RNF213: variants seen among roughly 807,000 people sequenced by gnomAD.
RNF213 encodes the protein E3 ubiquitin-protein ligase RNF213.
RNF213 carries 341 observed loss-of-function variants against 514.4 expected under a neutral mutation model. The ratio of observed to expected loss-of-function variants is 0.66; its 90% CI spans 0.61 to 0.73. The LOEUF is 0.73. Ranked by LOEUF, RNF213 falls within the 30% of genes least tolerant of loss-of-function variation. The pLI, the probability that RNF213 is intolerant of heterozygous loss-of-function variation, is 0.00. For missense variants in RNF213, 5,767 were observed against 6,615.6 expected (o/e 0.87, Z 4.45); for synonymous variants, 2,655 against 2,658.2 (o/e 1.00, Z 0.04).
In RNF213 at chr17:80,365,700, G is replaced by A. The variant is rs183821612; in HGVS notation, c.11871+1147G>A. Among the ~76,000 whole-genome samples, 78 of 152,274 alleles carry A rather than the reference G, an allele frequency of 5.1e-4. 1 individual carries two copies. The highest frequency in any genetic ancestry group is 3.0e-3 in the Admixed American group (46 of 15,302). The stretch of plus-strand genomic sequence containing the variant: ...GAGTTCTTCTGCTGAAGGAAAAGGC[G>A]GAGAGAGGATAGTAGGACACAGCCG... On this transcript the variant is annotated intron_variant, in intron 42 of 67. Transcript: ENST00000582970.
At position 80,298,542 on chromosome 17, in the gene RNF213, C is replaced by T. The variant is rs376926295; in HGVS notation, c.2210+24C>T. 4.3e-6 allele frequency: 7 copies of T among 1,613,576 alleles called. No individual in the cohort carries two copies. In the African/African-American group the frequency reaches 8.0e-5, roughly 18 times the overall value. ...ACGTAAGTCGTAGAGTTGTGCTTAT[C>T]TACATGAATCTGGGAAGACTGACTC... On this transcript the variant is annotated intron_variant, in intron 11 of 67. Transcript: ENST00000582970.
At chr17:80,308,890 C>A in intron 13 of RNF213, 128 bp from the exon 14 acceptor site, 1 of 1,137,410 alleles carries the variant, frequency 8.8e-7, no homozygotes, top group Non-Finnish European at 1.3e-6. Context: ...CAGACGTTAA[C>A]CTAGATAAGG....
chr17:80,386,636 C>T (rs891593592), intron 62 of RNF213, 54 bp from the exon 63 acceptor site: 2 of 1,573,178 alleles, frequency 1.3e-6, no homozygotes, highest in Admixed American at 1.7e-5. Context: ...CAACATAGAG[C>T]CCTAGGCCCG....
chr17:80,369,874 A>G lies in RNF213; in HGVS notation c.12425+7A>G. The G allele has an allele frequency of 6.3e-7, 1 of 1,577,670 alleles. No homozygotes were observed. The highest frequency in any genetic ancestry group is 1.7e-4 in the Middle Eastern group (1 of 6,000). ...AACTGCTTTTGAAGTACAGGTAAGA[A>G]CAACATGGAGACTTGCTTCTGGAAA... On this transcript the variant is annotated splice_region_variant and intron_variant, in intron 46 of 67. Transcript: ENST00000582970.
In RNF213 at chr17:80,369,622, GCT is replaced by G. The variant is rs1194934761; in HGVS notation, c.12284_12285del (p.Leu4095ProfsTer17). 13 of 1,614,130 alleles carry G rather than the reference GCT, an allele frequency of 8.1e-6. No homozygotes were observed. The highest frequency in any genetic ancestry group is 1.7e-5 in the Admixed American group (1 of 60,014). ...CTGAGAAGGAAGTGATTGAGAGCCT[GCT>G]CTCTCTCCTCTTCGTCCAAAAGGGG... ...PPEKEVIESL[L>X]SLLFVQKGRL... On this transcript the variant is annotated frameshift_variant, in exon 45 of 68. Transcript: ENST00000582970. LOFTEE classifies it high-confidence loss of function.
intron 1 of RNF213, among the ~76,000 whole-genome samples, chr17:80,262,348 A>C (rs145490620): frequency 3.9e-5 from 6 of 152,336 alleles, no homozygotes; most frequent in Non-Finnish European, 8.8e-5. Context: ...TGGGAACCTC[A>C]TCAAAGAGAA....
rs981008177 is a variant in RNF213, at chr17:80,389,873, T to G, written c.15241T>G (p.Phe5081Val). The change falls in exon 66 of 68, where the codon TTC becomes GTC. Residue 5081 changes from phenylalanine (F) to valine (V), a missense_variant. By Grantham distance (50) the Phe-to-Val change is conservative. Coordinates refer to ENST00000582970, the MANE Select transcript of RNF213 (RefSeq NM_001256071.3). Reference sequence around the variant, plus strand: ...AAAACACACCATTGCCCTCTGGCAGTTCCTGTCTGCTCATAAGTCTGAACA... The same window carrying G: ...AAAACACACCATTGCCCTCTGGCAGGTCCTGTCTGCTCATAAGTCTGAACA... Reference protein sequence around the residue: ...QLKHTIALWQFLSAHKSEQLL... With the variant: ...QLKHTIALWQVLSAHKSEQLL... The G allele has an allele frequency of 1.2e-6, 2 of 1,614,062 alleles. No individual in the cohort carries two copies. The highest frequency in any genetic ancestry group is 2.7e-5 in the African/African-American group (2 of 74,938).
At chr17:80,350,127 C>T (rs767973550) in intron 30 of RNF213, among the ~76,000 whole-genome samples, 174 bp from the exon 31 acceptor site, 8 of 152,154 alleles carry the variant, frequency 5.3e-5, no homozygotes, top group Admixed American at 1.3e-4. Flanking sequence ...CCTCGGACCT[C>T]GTTAGGAGGC....
At chr17:80,281,458 C>G (rs1412304459) in intron 3 of RNF213, among the ~76,000 whole-genome samples, 25 of 95,450 alleles carry the variant, frequency 2.6e-4, no homozygotes, top group East Asian at 7.6e-4. Context: ...ACATACACCC[C>G]ACTCACAACA....
chr17:80,323,519 C>T (rs1234226230), intron 17 of RNF213, among the ~76,000 whole-genome samples: 1 of 151,990 alleles, frequency 6.6e-6, no homozygotes, highest in Non-Finnish European at 1.5e-5. Context: ...GGATTTCTTT[C>T]ATTCAATTAG....
chr17:80,278,718 G>T, intron 3 of RNF213: 1 of 1,532,758 alleles, frequency 6.5e-7, no homozygotes, highest in Non-Finnish European at 8.7e-7. Flanking sequence ...AGCTGTGCGT[G>T]GGGTGCACAG....
chr17:80,391,399 T>C (rs2080466461), intron 67 of RNF213, among the ~76,000 whole-genome samples: 1 of 151,998 alleles, frequency 6.6e-6, no homozygotes, highest in African/African-American at 2.4e-5. Flanking sequence ...GCCTCCCTAG[T>C]AGCTGGGATT....
chr17:80,344,918 G>C lies in RNF213; in HGVS notation c.6583G>C (p.Glu2195Gln), dbSNP rs780408272. 8.1e-6 allele frequency: 13 copies of C among 1,614,022 alleles called. No homozygotes were observed. Among genetic ancestry groups the C allele is most frequent in the Non-Finnish European group, 1.1e-5 (13 of 1,180,034 alleles). Residue 2195 changes from glutamate (E) to glutamine (Q), a missense_variant, in exon 29 of 68, where the codon GAG becomes CAG. Glu to Gln is a conservative substitution (Grantham distance 29). Around this residue, in one of 13 missense-constraint regions of RNF213, gnomAD observed 1,377 missense variants for 1,635.2 expected, o/e 0.84. Transcript: ENST00000582970. ...YQEGSVEGTP[E>Q]ECLQHFLFHC... ...AGAAGGCTCTGTCGAAGGCACCCCG[G>C]AGGAATGCCTCCAGCATTTCCTGTT... is the stretch of plus-strand genomic sequence containing the variant.
intron 51 of RNF213, among the ~76,000 whole-genome samples, chr17:80,376,076 A>C (rs1048884320): frequency 6.6e-6 from 1 of 152,222 alleles, no homozygotes; most frequent in African/African-American, 2.4e-5. Flanking sequence ...CCAAGAACAT[A>C]AGATAATGTT....
chr17:80,348,046 G>T lies in RNF213; in HGVS notation c.9711G>T (p.Gln3237His), dbSNP rs1161433794. 2 of 1,614,088 alleles carry T rather than the reference G, an allele frequency of 1.2e-6. No individual in the cohort carries two copies. Among genetic ancestry groups the T allele is most frequent in the Admixed American group, 1.7e-5 (1 of 60,016 alleles). ...ASVVLQVIER[Q>H]GPRALTEELH... Reference sequence around the variant, plus strand: ...TGGTGCTGCAGGTCATAGAGAGGCAGGGTCCCCGGGCCTTGACGGAGGAAC... The same window carrying T: ...TGGTGCTGCAGGTCATAGAGAGGCATGGTCCCCGGGCCTTGACGGAGGAAC... The change falls in exon 29 of 68, where the codon CAG (glutamine) becomes CAT (histidine). Residue 3237 changes from glutamine to histidine, a missense_variant. Gln to His is a conservative substitution (Grantham distance 24). Around this residue, in one of 13 missense-constraint regions of RNF213, gnomAD observed 919 missense variants for 1,121.0 expected, o/e 0.82. Coordinates refer to ENST00000582970, the MANE Select transcript of RNF213 (RefSeq NM_001256071.3).
chr17:80,355,224 C>G (rs2078689038), intron 36 of RNF213: 1 of 455,982 alleles, frequency 2.2e-6, no homozygotes, highest in South Asian at 1.5e-5. Flanking sequence ...CTCCATGAGT[C>G]CCCTTCCAGG....
chr17:80,378,245 G>T (rs2079841625), intron 54 of RNF213, among the ~76,000 whole-genome samples: 1 of 152,198 alleles, frequency 6.6e-6, no homozygotes, highest in Non-Finnish European at 1.5e-5. Flanking sequence ...GTGTTGCCTG[G>T]ACCACAGGCT....
intron 16 of RNF213, among the ~76,000 whole-genome samples, chr17:80,318,782 C>A (rs931636266): frequency 1.3e-5 from 2 of 152,026 alleles, no homozygotes; most frequent in Non-Finnish European, 2.9e-5. Flanking sequence ...ACCGTGTTAG[C>A]CAGGATGGTC....
chr17:80,325,053 G>T lies in RNF213; in HGVS notation c.3048G>T (p.Gly1016=). The T allele has an allele frequency of 6.5e-7, 1 of 1,537,102 alleles. No homozygotes were observed. The highest frequency in any genetic ancestry group is 8.7e-7 in the Non-Finnish European group (1 of 1,146,868). ...AGTCTCAGACCAGTATCCTTCAGGGGTTCTCTTACTCTGATTTGCGGAAAT... is the reference window on the plus strand; with the variant it reads ...AGTCTCAGACCAGTATCCTTCAGGGTTTCTCTTACTCTGATTTGCGGAAAT... ...ACQSQTSILQ[G]FSYSDLRKFG... is the part of the protein sequence containing the mutation. Residue 1016 remains glycine (G), a synonymous_variant, in exon 18 of 68, where the codon GGG becomes GGT. Transcript: ENST00000582970.
Sources: gnomAD v4.1 joint callset for allele counts (sites outside exome capture counted in the v4.1 genomes callset) on GRCh38, gnomAD v4.1.1 for gene constraint, gnomAD v4.1.1 regional missense constraint, MANE v1.5 for transcripts, NCBI Gene and HGNC (gene_info 2026-07-23, HGNC 2026-07-21) for gene names.